The following GBP6 variants were observed in gnomAD, a reference collection of about 807,000 sequenced individuals.
The protein encoded by GBP6 is guanylate-binding protein 6.
A neutral mutation model predicts 61.5 loss-of-function variants in GBP6; 54 were observed. The observed-to-expected ratio is 0.88, with a 90% CI of 0.71 to 1.10. GBP6 has a LOEUF of 1.10. Among genes scored for constraint, GBP6 ranks in the 50% least tolerant of loss-of-function variants. The pLI is 0.00. For missense variants in GBP6, 748 were observed against 752.8 expected, an observed-to-expected ratio of 0.99 and a Z score of 0.07; for synonymous variants, 255 against 273.7, an observed-to-expected ratio of 0.93 and a Z score of 0.67.
intron 6 of GBP6, among the ~76,000 whole-genome samples, chr1:89,380,930 C>T (rs944777042): frequency 6.6e-6 from 1 of 152,064 alleles, no homozygotes; most frequent in Non-Finnish European, 1.5e-5. Flanking sequence ...GAAATATTTT[C>T]TAAGTCCTAT....
intron 8 of GBP6, 88 bp downstream of exon 8, chr1:89,382,964 G>A: frequency 1.3e-6 from 1 of 795,592 alleles, no homozygotes; most frequent in Non-Finnish European, 2.1e-6. Flanking sequence ...AGAGCAGAGG[G>A]ATAGCATAAC....
intron 3 of GBP6, among the ~76,000 whole-genome samples, chr1:89,377,487 C>G (rs775708353): frequency 6.6e-6 from 1 of 152,148 alleles, no homozygotes; most frequent in Non-Finnish European, 1.5e-5. Flanking sequence ...CCTGGATAGA[C>G]TTGTAATTTT....
chr1:89,375,876 A>G (rs567126135), intron 3 of GBP6, among the ~76,000 whole-genome samples: 10 of 152,090 alleles, frequency 6.6e-5, no homozygotes, highest in African/African-American at 2.4e-4. Context: ...TGGTATTTTT[A>G]CGGCTTCATA....
intron 3 of GBP6, among the ~76,000 whole-genome samples, chr1:89,376,773 C>T (rs999878500): frequency 1.6e-4 from 24 of 152,014 alleles, no homozygotes; most frequent in Admixed American, 2.6e-4. Flanking sequence ...GTTGAGACAG[C>T]GGAGGTGGCT....
Position 89,380,392 on chromosome 1 carries a change from A to G in GBP6, c.632A>G (p.Asn211Ser). 1.2e-6 allele frequency: 2 copies of G among 1,613,164 alleles called. No homozygotes were observed. The highest frequency in any genetic ancestry group is 1.7e-6 in the Non-Finnish European group (2 of 1,179,322). Residue 211 changes from asparagine to serine, a missense_variant, in exon 6 of 11, where the codon AAT (asparagine) becomes AGT (serine). By Grantham distance (46) the Asn-to-Ser change is conservative. Transcript: ENST00000370456. The stretch of plus-strand genomic sequence containing the variant: ...GTTTTTTTTTATCCCTCAGGCAATA[A>G]TCCCAGAGTTCAAACATCCAATTTT... ...ENALKLIQGN[N>S]PRVQTSNFPR...
chr1:89,380,742 G>A, intron 6 of GBP6, 111 bp downstream of exon 6: 9 of 913,802 alleles, frequency 9.8e-6, no homozygotes, highest in Non-Finnish European at 1.5e-5. Context: ...CGTGTATACA[G>A]GTATTCACAC....
At chr1:89,380,103 C>A (rs1249374423) in intron 5 of GBP6, among the ~76,000 whole-genome samples, 1 of 152,118 alleles carries the variant, frequency 6.6e-6, no homozygotes, top group Non-Finnish European at 1.5e-5. Flanking sequence ...GTGCCACTGC[C>A]CTCTAGCCTG....
At chr1:89,369,482 G>A (rs775711788) in intron 2 of GBP6, 64 bp from the exon 3 acceptor site, 62 of 1,562,990 alleles carry the variant, frequency 4.0e-5, no homozygotes, top group Non-Finnish European at 5.4e-5. Flanking sequence ...GTCTGATGCT[G>A]TGGCCCCAGG....
rs2100680392 is a variant in GBP6, at chr1:89,387,974, A to G, written c.*2505A>G. On this transcript the variant is annotated 3_prime_UTR_variant, in exon 11 of 11. Transcript: ENST00000370456. ...AAAATTAAACTAAATTAAAGCTATG[A>G]GAAGAAAATAAATTTTCCTGGTATA... Among the ~76,000 whole-genome samples, 1 of 152,284 alleles carries G rather than the reference A, an allele frequency of 6.6e-6. No individual in the cohort carries two copies. Among genetic ancestry groups the G allele is most frequent in the South Asian group, 2.1e-4 (1 of 4,820 alleles).
chr1:89,384,648 A>G (rs563957848), intron 10 of GBP6, among the ~76,000 whole-genome samples: 2 of 152,318 alleles, frequency 1.3e-5, no homozygotes, highest in East Asian at 3.9e-4. Context: ...CTTCACCAAG[A>G]CCACATATTA....
chr1:89,387,558 A>G lies in GBP6; in HGVS notation c.*2089A>G, dbSNP rs1030259957. Among the ~76,000 whole-genome samples the G allele has an allele frequency of 1.3e-5, 2 of 152,234 alleles. No homozygotes were observed. The highest frequency in any genetic ancestry group is 2.9e-5 in the Non-Finnish European group (2 of 68,034). On this transcript the variant is annotated 3_prime_UTR_variant, in exon 11 of 11. Coordinates refer to ENST00000370456, the MANE Select transcript of GBP6 (RefSeq NM_198460.3). ...GCATGGGTGATTATTTTCAATTGAT[A>G]AAATATCATGAACTTTCCAGAGATC... is the stretch of plus-strand genomic sequence containing the variant.
At chr1:89,380,311 C>A in intron 5 of GBP6, 75 bp from the exon 6 acceptor site, 1 of 1,332,696 alleles carries the variant, frequency 7.5e-7, no homozygotes. Context: ...GACAATACAC[C>A]CTATCAAAAA....
intron 7 of GBP6, 49 bp downstream of exon 7, chr1:89,382,023 GA>G (rs760389707): frequency 2.6e-6 from 4 of 1,533,146 alleles, no homozygotes. Context: ...CTTGAAGAAT[GA>G]AGCCTATAGT....
Position 89,387,403 on chromosome 1 carries a change from T to C in GBP6, c.*1934T>C, listed in dbSNP as rs187277085. 6.6e-5 allele frequency among the ~76,000 whole-genome samples: 10 copies of C among 152,318 alleles called. No homozygotes were observed. The highest frequency in any genetic ancestry group is 4.6e-4 in the Admixed American group (7 of 15,296). ...CACACATGAACTTATTGCAATATAG[T>C]ATTTGTTTGAAATGTAAAGGTAAAG... is the stretch of plus-strand genomic sequence containing the variant. On this transcript the variant is annotated 3_prime_UTR_variant, in exon 11 of 11. Coordinates refer to ENST00000370456, the MANE Select transcript of GBP6 (RefSeq NM_198460.3).
Position 89,380,461 on chromosome 1 carries a change from T to C in GBP6, c.701T>C (p.Phe234Ser). 2 of 1,614,156 alleles carry C rather than the reference T, an allele frequency of 1.2e-6. No individual in the cohort carries two copies. The highest frequency in any genetic ancestry group is 1.7e-6 in the Non-Finnish European group (2 of 1,180,018). ...IRRFFPKRKC[F>S]VFDRPTNDKD... ...CGTTTCTTTCCAAAACGGAAGTGTT[T>C]CGTCTTTGACCGGCCAACAAATGAC... The change falls in exon 6 of 11, where the codon TTC (phenylalanine) becomes TCC (serine). Residue 234 changes from phenylalanine to serine, a missense_variant. By Grantham distance (155) the Phe-to-Ser change is radical. Coordinates refer to ENST00000370456, the MANE Select transcript of GBP6 (RefSeq NM_198460.3).
Position 89,387,352 on chromosome 1 carries a change from C to T in GBP6, c.*1883C>T, listed in dbSNP as rs748768903. Among the ~76,000 whole-genome samples the T allele has an allele frequency of 2.0e-5, 3 of 152,252 alleles. No homozygotes were observed. Among genetic ancestry groups the T allele is most frequent in the Middle Eastern group, 3.4e-3 (1 of 294 alleles). On this transcript the variant is annotated 3_prime_UTR_variant, in exon 11 of 11. Coordinates refer to ENST00000370456, the MANE Select transcript of GBP6 (RefSeq NM_198460.3). The stretch of plus-strand genomic sequence containing the variant: ...TGCCTGTTAAAATAGGGAATTAGGG[C>T]CTCCAGGTTGTAATTATAGTCTTGG...
Position 89,380,584 on chromosome 1 carries a change from A to T in GBP6, c.824A>T (p.His275Leu), listed in dbSNP as rs1328803362. The change falls in exon 6 of 11, where the codon CAT becomes CTT. Residue 275 changes from histidine (H) to leucine (L), a missense_variant. Transcript: ENST00000370456. ...ATTTTCTGTTCTTACATCTTCACTC[A>T]TGCAAGAACCAAGACCCTCAGGGAG... ...TNIFCSYIFT[H>L]ARTKTLREGI... 1.2e-6 allele frequency: 2 copies of T among 1,614,100 alleles called. No individual in the cohort carries two copies. Among genetic ancestry groups the T allele is most frequent in the Admixed American group, 3.3e-5 (2 of 60,008 alleles).
chr1:89,378,594 T>G lies in GBP6; in HGVS notation c.606T>G (p.Asn202Lys). ...HPITEDEYLE[N>K]ALKLIQGNNP... The stretch of plus-strand genomic sequence containing the variant: ...TCACAGAAGATGAATACCTGGAGAA[T>G]GCCTTGAAGCTGATTCAAGGTATCA... Residue 202 changes from asparagine (N) to lysine (K), a missense_variant, in exon 5 of 11, where the codon AAT becomes AAG. Asn to Lys is a moderately conservative substitution (Grantham distance 94, BLOSUM62 0). Coordinates refer to ENST00000370456, the MANE Select transcript of GBP6 (RefSeq NM_198460.3). 1 of 1,613,210 alleles carries G rather than the reference T, an allele frequency of 6.2e-7. No individual in the cohort carries two copies. The highest frequency in any genetic ancestry group is 8.5e-7 in the Non-Finnish European group (1 of 1,179,360).
At position 89,385,752 on chromosome 1, in the gene GBP6, C is replaced by G. The variant is rs555615963; in HGVS notation, c.*283C>G. 10 of 229,536 alleles carry G rather than the reference C, an allele frequency of 4.4e-5. No individual in the cohort carries two copies. The highest frequency in any genetic ancestry group is 7.7e-5 in the Non-Finnish European group (9 of 117,488). 14.2% of individuals were successfully genotyped at this position (229,536 alleles called of 1,614,324 possible). ...TTCACTATGTTGGCCAGGCTGGTCT[C>G]GAACTCTTGACCTCAAATGATCCAC... On this transcript the variant is annotated 3_prime_UTR_variant, in exon 11 of 11. Transcript: ENST00000370456.
Sources: gnomAD v4.1 joint callset for allele counts (sites outside exome capture counted in the v4.1 genomes callset) on GRCh38, gnomAD v4.1.1 for gene constraint, MANE v1.5 for transcripts, NCBI Gene and HGNC (gene_info 2026-07-23, HGNC 2026-07-21) for gene names.